The following KLHL29 variants were observed in gnomAD, a reference collection of about 807,000 sequenced individuals.
KLHL29 encodes the protein kelch like family member 29.
A neutral mutation model predicts 80.4 loss-of-function variants in KLHL29; 21 were observed. The observed-to-expected ratio is 0.26, with a 90% CI of 0.19 to 0.38. KLHL29 has a LOEUF of 0.38. KLHL29 is among the 10% of genes least tolerant of loss of function. The probability of loss-of-function intolerance (pLI) is 1.00; values close to 1 mark genes in which losing one functional copy is unlikely to be tolerated. For missense variants in KLHL29, 867 were observed against 1,223.9 expected (o/e 0.71, Z 4.35); for synonymous variants, 511 against 526.8 (o/e 0.97, Z 0.41).
chr2:23,501,330 A>G (rs916825960), intron 2 of KLHL29, among the ~76,000 whole-genome samples: 2 of 151,922 alleles, frequency 1.3e-5, no homozygotes, highest in African/African-American at 2.4e-5. Flanking sequence ...GATTGAACCT[A>G]ATTGAGATGC....
intron 5 of KLHL29, among the ~76,000 whole-genome samples, chr2:23,659,235 C>T (rs972565480): frequency 2.0e-5 from 3 of 152,198 alleles, no homozygotes; most frequent in African/African-American, 7.2e-5. Context: ...TTGAGCAACC[C>T]GTCCGCAGCG....
chr2:23,578,365 C>T (rs1350106831), intron 3 of KLHL29, among the ~76,000 whole-genome samples: 1 of 152,214 alleles, frequency 6.6e-6, no homozygotes, highest in Non-Finnish European at 1.5e-5. Context: ...ACTGTGTGAC[C>T]TTAGCAAGTT....
In KLHL29 at chr2:23,494,285, G is replaced by A. The variant is rs368196032; in HGVS notation, c.-46+18618G>A. ...ACTATGGCAACTGAATAGCAACAAA[G>A]GAAATTGAATGTCTTTTGAAAAGCT... On this transcript the variant is annotated intron_variant, in intron 2 of 13. Transcript: ENST00000486442. Among the ~76,000 whole-genome samples the A allele has an allele frequency of 5.3e-5, 8 of 152,276 alleles. No individual in the cohort carries two copies. In the East Asian group the frequency reaches 1.2e-3, roughly 22 times the overall value.
chr2:23,522,430 G>A (rs1350010535), intron 2 of KLHL29, among the ~76,000 whole-genome samples: 1 of 152,202 alleles, frequency 6.6e-6, no homozygotes, highest in Non-Finnish European at 1.5e-5. Context: ...GATTACAGGT[G>A]TGAGCCACCA....
chr2:23,646,193 C>G (rs187563613), intron 5 of KLHL29, among the ~76,000 whole-genome samples: 2 of 152,040 alleles, frequency 1.3e-5, no homozygotes, highest in Admixed American at 1.3e-4. Context: ...TTGGAACCAC[C>G]GAGCTAACAC....
chr2:23,662,884 C>G (rs1202288344), intron 5 of KLHL29, among the ~76,000 whole-genome samples: 1 of 152,180 alleles, frequency 6.6e-6, no homozygotes, highest in Non-Finnish European at 1.5e-5. Context: ...GGGTTGAAAG[C>G]CGTAAATGCA....
Position 23,695,478 on chromosome 2 carries a change from G to C in KLHL29, c.1543-145G>C, listed in dbSNP as rs181784666. 3.1e-6 allele frequency: 2 copies of C among 652,028 alleles called. No homozygotes were observed. Among genetic ancestry groups the C allele is most frequent in the African/African-American group, 3.7e-5 (2 of 54,750 alleles). The allele number at this position is 652,028 out of a possible 1,614,324, so 40.4% of individuals were successfully genotyped here. A position where few individuals can be genotyped will look rare whatever the true frequency, so the allele number is the denominator to read the frequency against. ...GCTGACTAGACTTCCCTTCACCTCT[G>C]TCTAGGCTAGCAGAGTATCTACACT... On this transcript the variant is annotated intron_variant, in intron 8 of 13. Coordinates refer to ENST00000486442, the MANE Select transcript of KLHL29 (RefSeq NM_052920.2). This position sits in a 1 kb window ranked among gnomAD's most constrained non-coding sequence, Gnocchi z 7.6.
intron 2 of KLHL29, among the ~76,000 whole-genome samples, chr2:23,535,861 T>C (rs758267747): frequency 6.6e-6 from 1 of 152,218 alleles, no homozygotes; most frequent in Non-Finnish European, 1.5e-5. Flanking sequence ...GAGAATGTAC[T>C]TAATGCCATT....
Position 23,665,055 on chromosome 2 carries a change from C to G in KLHL29, c.941-19344C>G, listed in dbSNP as rs545061671. Among the ~76,000 whole-genome samples, 11 of 152,330 alleles carry G rather than the reference C, an allele frequency of 7.2e-5. 1 individual carries two copies. In the South Asian group the frequency reaches 2.3e-3, roughly 32 times the overall value. ...TCTCTCACGTGCCTGGGTGGTGACT[C>G]GGGTGGCTGGTGGCTGAGCTAGAGC... On this transcript the variant is annotated intron_variant, in intron 5 of 13. Transcript: ENST00000486442.
rs560652407 is a variant in KLHL29 at position 23,517,051 on chromosome 2, C to G, written c.-46+41384C>G. Reference sequence around the variant, plus strand: ...AAGTGCAGAGCTCCCTGTTTGTCAGCTGCTTCGTGGTGCGGAGCCTGCAAA... The same window carrying G: ...AAGTGCAGAGCTCCCTGTTTGTCAGGTGCTTCGTGGTGCGGAGCCTGCAAA... On this transcript the variant is annotated intron_variant, in intron 2 of 13. Coordinates refer to ENST00000486442, the MANE Select transcript of KLHL29 (RefSeq NM_052920.2). Among the ~76,000 whole-genome samples the G allele has an allele frequency of 2.5e-3, 386 of 152,348 alleles. 5 individuals carry two copies. The Middle Eastern group carries it at 0.048, about 19-fold the overall frequency.
chr2:23,512,525 T>G (rs1258745390), intron 2 of KLHL29, among the ~76,000 whole-genome samples: 1 of 152,090 alleles, frequency 6.6e-6, no homozygotes, highest in Non-Finnish European at 1.5e-5. Context: ...ATAAAAGAAG[T>G]TTAGAATGAT....
intron 1 of KLHL29, among the ~76,000 whole-genome samples, chr2:23,461,450 A>C (rs1170718794): frequency 1.3e-5 from 2 of 152,220 alleles, no homozygotes; most frequent in Non-Finnish European, 2.9e-5. Context: ...TCTAGCCTTA[A>C]AGAGTACGGC....
chr2:23,646,578 A>G (rs1558422633), intron 5 of KLHL29, among the ~76,000 whole-genome samples: 1 of 152,156 alleles, frequency 6.6e-6, no homozygotes, highest in East Asian at 1.9e-4. Flanking sequence ...GCCTAGGGTG[A>G]GGGGTCATGA....
rs1266040296 is a variant in KLHL29, at chr2:23,429,033, G to A, written c.-154+43253G>A. On this transcript the variant is annotated intron_variant, in intron 1 of 13. Transcript: ENST00000486442. ...GGCTAGTGTCTTCTCTCTGGGCCTT[G>A]ACTCCCCTGTGTGCACAGCGAGGGA... Among the ~76,000 whole-genome samples the A allele has an allele frequency of 2.6e-5, 4 of 152,182 alleles. No homozygotes were observed. The East Asian group carries it at 7.7e-4, about 29-fold the overall frequency.
chr2:23,693,657 AGGGC>A, intron 8 of KLHL29, 129 bp downstream of exon 8: 1 of 988,586 alleles, frequency 1.0e-6, no homozygotes. Context: ...AGAGAGGTGA[AGGGC>A]GGGCAGAGAG....
chr2:23,423,749 G>A (rs143918419), intron 1 of KLHL29, among the ~76,000 whole-genome samples: 10 of 152,234 alleles, frequency 6.6e-5, no homozygotes, highest in Non-Finnish European at 1.2e-4. Context: ...CTGGTGCCCC[G>A]GGGCCTCCCC....
chr2:23,424,816 T>G (rs2103404491), intron 1 of KLHL29, among the ~76,000 whole-genome samples: 1 of 152,374 alleles, frequency 6.6e-6, no homozygotes, highest in East Asian at 1.9e-4. Context: ...TCTCATCATT[T>G]AGATAACATT....
chr2:23,692,462 C>T (rs917184584), intron 7 of KLHL29, among the ~76,000 whole-genome samples: 1 of 152,208 alleles, frequency 6.6e-6, no homozygotes, highest in Non-Finnish European at 1.5e-5. Context: ...GGGACAAAGA[C>T]GAAAGCCCCC....
intron 5 of KLHL29, among the ~76,000 whole-genome samples, chr2:23,654,960 G>A (rs1218748141): frequency 6.6e-6 from 1 of 152,188 alleles, no homozygotes; most frequent in Admixed American, 6.5e-5. Flanking sequence ...GGCATGTCTG[G>A]GCTAAGGACG....
Sources: allele counts gnomAD v4.1 joint callset (sites outside exome capture counted in the v4.1 genomes callset), GRCh38; gene constraint gnomAD v4.1.1; non-coding constraint Gnocchi (gnomAD v3.1); transcripts MANE v1.5; gene names NCBI Gene and HGNC (gene_info 2026-07-23, HGNC 2026-07-21).